Variants in DLG2 observed in about 807,000 individuals in gnomAD.
DLG2 encodes the protein discs large MAGUK scaffold protein 2.
Under a neutral mutation model 132.5 loss-of-function variants are expected in DLG2, and 45 were observed. The observed-to-expected ratio is 0.34, with a 90% CI of 0.27 to 0.44. The LOEUF (loss-of-function observed/expected upper bound fraction) is 0.44, where lower values mean the gene tolerates loss of function less well. DLG2 is among the 20% of genes least tolerant of loss of function. The pLI is 1.00. For synonymous variants in DLG2, 424 were observed against 419.6 expected, an observed-to-expected ratio of 1.01 and a Z score of -0.13; for missense variants, 1,045 against 1,196.9, an observed-to-expected ratio of 0.87 and a Z score of 1.87.
intron 4 of DLG2, among the ~76,000 whole-genome samples, chr11:85,173,553 G>A (rs1188166031): frequency 6.6e-6 from 1 of 152,128 alleles, no homozygotes; most frequent in African/African-American, 2.4e-5. Context: ...GTGCCACTAT[G>A]AAGTAACCAC....
intron 6 of DLG2, among the ~76,000 whole-genome samples, chr11:85,073,682 A>G (rs1028270844): frequency 1.3e-5 from 2 of 151,880 alleles, no homozygotes; most frequent in African/African-American, 4.8e-5. Context: ...CTGTCAAAGA[A>G]TATTCTTTCT....
chr11:85,230,908 G>T (rs2075265676), intron 4 of DLG2, among the ~76,000 whole-genome samples: 1 of 151,840 alleles, frequency 6.6e-6, no homozygotes, highest in African/African-American at 2.4e-5. Flanking sequence ...CACCACGTGA[G>T]GATACAGCAA....
intron 7 of DLG2, among the ~76,000 whole-genome samples, chr11:84,266,723 G>A (rs1001372391): frequency 6.6e-6 from 1 of 152,106 alleles, no homozygotes; most frequent in Non-Finnish European, 1.5e-5. Context: ...ATACATCCAG[G>A]GACCACAGAG....
chr11:85,042,965 T>G (rs1268660164), intron 6 of DLG2, among the ~76,000 whole-genome samples: 1 of 151,896 alleles, frequency 6.6e-6, no homozygotes, highest in Non-Finnish European at 1.5e-5. Flanking sequence ...TTTTCATATT[T>G]TGAACTTCTC....
chr11:84,390,667 G>A (rs912155956), intron 7 of DLG2, among the ~76,000 whole-genome samples: 5 of 152,152 alleles, frequency 3.3e-5, no homozygotes, highest in Non-Finnish European at 7.3e-5. Context: ...GTGATCACCT[G>A]GTCTTAGAGG....
At chr11:83,569,982 A>G (rs570037453) in intron 19 of DLG2, among the ~76,000 whole-genome samples, 2 of 152,350 alleles carry the variant, frequency 1.3e-5, no homozygotes, top group East Asian at 3.9e-4. Context: ...CTCCCCCATG[A>G]AAAGAGAGAA....
At chr11:84,212,241 T>C (rs937888260) in intron 8 of DLG2, among the ~76,000 whole-genome samples, 30 of 152,216 alleles carry the variant, frequency 2.0e-4, no homozygotes, top group Admixed American at 2.0e-3. Context: ...AATTTACCAA[T>C]TATAGTGATA....
At chr11:85,473,215 G>A (rs1238531305) in intron 3 of DLG2, among the ~76,000 whole-genome samples, 1 of 152,224 alleles carries the variant, frequency 6.6e-6, no homozygotes, top group African/African-American at 2.4e-5. Context: ...GCCAAGCACA[G>A]CCTGCTGGGC....
chr11:84,008,239 G>A (rs2094679810), intron 11 of DLG2, among the ~76,000 whole-genome samples: 1 of 151,750 alleles, frequency 6.6e-6, no homozygotes, highest in African/African-American at 2.4e-5. Context: ...CTATACTCTT[G>A]TATCATCTTC....
chr11:84,447,911 G>C (rs907090791), intron 7 of DLG2, among the ~76,000 whole-genome samples: 1 of 152,040 alleles, frequency 6.6e-6, no homozygotes, highest in East Asian at 1.9e-4. Context: ...AGCTCCTCAC[G>C]AGCAATGTAG....
At chr11:85,186,687 T>A (rs2080126326) in intron 4 of DLG2, among the ~76,000 whole-genome samples, 1 of 152,130 alleles carries the variant, frequency 6.6e-6, no homozygotes, top group African/African-American at 2.4e-5. Flanking sequence ...TACTGTCACA[T>A]CCTGACCTAT....
chr11:84,635,090 G>T (rs2099638433), intron 6 of DLG2, among the ~76,000 whole-genome samples: 2 of 152,192 alleles, frequency 1.3e-5, no homozygotes, highest in Admixed American at 1.3e-4. Flanking sequence ...TCCTCAAGAA[G>T]TTCTTCAGAG....
intron 4 of DLG2, among the ~76,000 whole-genome samples, chr11:85,156,857 T>G (rs1015619551): frequency 6.6e-6 from 1 of 152,240 alleles, no homozygotes; most frequent in African/African-American, 2.4e-5. Flanking sequence ...ATTCATTGTT[T>G]GTACATTTGT....
intron 8 of DLG2, among the ~76,000 whole-genome samples, chr11:84,200,436 T>C (rs2096577226): frequency 6.6e-6 from 1 of 152,172 alleles, no homozygotes; most frequent in African/African-American, 2.4e-5. Flanking sequence ...TATCCAAGAC[T>C]TTTTAGCAGA....
intron 6 of DLG2, among the ~76,000 whole-genome samples, chr11:84,648,601 C>T (rs778032794): frequency 2.6e-5 from 4 of 152,118 alleles, no homozygotes; most frequent in African/African-American, 7.2e-5. Flanking sequence ...TAGGTTGGAT[C>T]GCTCATGCAC....
chr11:85,494,511 T>G (rs955723826), intron 3 of DLG2, among the ~76,000 whole-genome samples: 1 of 152,074 alleles, frequency 6.6e-6, no homozygotes, highest in African/African-American at 2.4e-5. Flanking sequence ...AAAAGGAAAG[T>G]AAGCAATGTT....
chr11:84,560,861 G>A (rs899640242), intron 6 of DLG2, among the ~76,000 whole-genome samples: 1 of 152,020 alleles, frequency 6.6e-6, no homozygotes, highest in Non-Finnish European at 1.5e-5. Context: ...GAGTACTCAC[G>A]CTTTTACAAT....
chr11:84,231,412 C>T (rs1156502439), intron 8 of DLG2, among the ~76,000 whole-genome samples: 1 of 152,158 alleles, frequency 6.6e-6, no homozygotes, highest in Non-Finnish European at 1.5e-5. Flanking sequence ...GCCACTGATC[C>T]TAATTCTCAG....
intron 19 of DLG2, among the ~76,000 whole-genome samples, chr11:83,552,645 C>G (rs1343849953): frequency 6.6e-6 from 1 of 152,116 alleles, no homozygotes; most frequent in Non-Finnish European, 1.5e-5. Context: ...ATAGTAATCT[C>G]ATATTCTTGA....
Sources: gnomAD v4.1 joint callset for allele counts (sites outside exome capture counted in the v4.1 genomes callset) on GRCh38, gnomAD v4.1.1 for gene constraint, MANE v1.5 for transcripts, NCBI Gene and HGNC (gene_info 2026-07-23, HGNC 2026-07-21) for gene names.